The following PCDHGA3 variants were observed in gnomAD, a reference collection of about 807,000 sequenced individuals.
PCDHGA3 encodes the protein protocadherin gamma-A3.
A neutral mutation model predicts 58.5 loss-of-function variants in PCDHGA3; 40 were observed. That is an observed-to-expected ratio of 0.68 (90% CI 0.53 to 0.89). PCDHGA3 has a LOEUF of 0.89. PCDHGA3 is among the 40% of genes least tolerant of loss of function. PCDHGA3 has a pLI of 0.00. For synonymous variants in PCDHGA3, 530 were observed against 525.7 expected (o/e 1.01, Z -0.11); for missense variants, 1,223 against 1,195.9 (o/e 1.02, Z -0.33).
chr5:141,355,302 G>C (rs1759792731), intron 1 of PCDHGA3: 3 of 1,613,798 alleles, frequency 1.9e-6, no homozygotes, highest in Non-Finnish European at 2.5e-6. Flanking sequence ...TTCTCTACTC[G>C]GTGTTTGAGG....
Position 141,363,485 on chromosome 5 carries a change from T to A in PCDHGA3, c.2424+17028T>A, listed in dbSNP as rs1022472652. On this transcript the variant is annotated intron_variant, in intron 1 of 3. Transcript: ENST00000253812. ...ATCTGCTCATGCTTTCCTGCATGGATGATGAAATAAAACCCCATCCTCCAC... is the reference window on the plus strand; with the variant it reads ...ATCTGCTCATGCTTTCCTGCATGGAAGATGAAATAAAACCCCATCCTCCAC... Among the ~76,000 whole-genome samples the A allele has an allele frequency of 5.9e-5, 9 of 152,236 alleles. No homozygotes were observed. The East Asian group carries it at 1.5e-3, about 26-fold the overall frequency.
chr5:141,444,893 G>T (rs1238224263), intron 1 of PCDHGA3, among the ~76,000 whole-genome samples: 1 of 152,160 alleles, frequency 6.6e-6, no homozygotes, highest in Admixed American at 6.5e-5. Flanking sequence ...TTTTGAATGG[G>T]ATGGCATTGC....
At chr5:141,403,010 C>G in intron 1 of PCDHGA3, 1 of 1,614,058 alleles carries the variant, frequency 6.2e-7, no homozygotes, top group Non-Finnish European at 8.5e-7. Flanking sequence ...ATGCTCGCTC[C>G]TGGGGATGCT....
chr5:141,477,519 A>C lies in PCDHGA3; in HGVS notation c.2425-17288A>C, dbSNP rs1255751458. 1 of 1,614,174 alleles carries C rather than the reference A, an allele frequency of 6.2e-7. No individual in the cohort carries two copies. The highest frequency in any genetic ancestry group is 2.2e-5 in the East Asian group (1 of 44,882). Reference sequence around the variant, plus strand: ...TCTTCCTACGACGTTTACATTGAAGAAAACAACCTCCCCGGGGCTCCAATA... The same window carrying C: ...TCTTCCTACGACGTTTACATTGAAGCAAACAACCTCCCCGGGGCTCCAATA... On this transcript the variant is annotated intron_variant, in intron 1 of 3. Transcript: ENST00000253812. The surrounding 1 kb of genome is among the most constrained non-coding windows in gnomAD (Gnocchi z 4.9).
At position 141,383,792 on chromosome 5, in the gene PCDHGA3, C is replaced by T. The variant is rs766483523; in HGVS notation, c.2424+37335C>T. On this transcript the variant is annotated intron_variant, in intron 1 of 3. Coordinates refer to ENST00000253812, the MANE Select transcript of PCDHGA3 (RefSeq NM_018916.4). ...AAGATGTTTCATCTGAACTCGCTTA[C>T]AGGAGAAATATCAACTTTAGAAGGA... 2 of 1,613,914 alleles carry T rather than the reference C, an allele frequency of 1.2e-6. No homozygotes were observed. The highest frequency in any genetic ancestry group is 1.1e-5 in the South Asian group (1 of 91,080).
intron 1 of PCDHGA3, chr5:141,383,465 C>T: frequency 6.2e-7 from 1 of 1,613,792 alleles, no homozygotes; most frequent in Non-Finnish European, 8.5e-7. Flanking sequence ...GACGATGAAA[C>T]TAAGTACCCG....
rs374202401 is a variant in PCDHGA3, at chr5:141,360,323, C to A, written c.2424+13866C>A. 3.1e-6 allele frequency: 5 copies of A among 1,613,798 alleles called. No homozygotes were observed. In the African/African-American group the frequency reaches 6.7e-5, roughly 22 times the overall value. ...GGGCTCAGCGTCCGGGACTTGCCAGCCCGGAAGCTGCGGGTTAGCGCGGAG... is the reference window on the plus strand; with the variant it reads ...GGGCTCAGCGTCCGGGACTTGCCAGACCGGAAGCTGCGGGTTAGCGCGGAG... On this transcript the variant is annotated intron_variant, in intron 1 of 3. Transcript: ENST00000253812.
intron 1 of PCDHGA3, chr5:141,414,361 T>G: frequency 6.2e-7 from 1 of 1,613,876 alleles, no homozygotes; most frequent in Non-Finnish European, 8.5e-7. Context: ...GTATCTACCA[T>G]TTAAATTAGA....
Position 141,406,431 on chromosome 5 carries a change from T to A in PCDHGA3, c.2424+59974T>A, listed in dbSNP as rs1316370664. 2.0e-5 allele frequency among the ~76,000 whole-genome samples: 3 copies of A among 152,352 alleles called. No individual in the cohort carries two copies. In the South Asian group the frequency reaches 6.2e-4, roughly 32 times the overall value. ...CAGCTGAAAGCCCAGATTTATTGCT[T>A]CTATTCTTCCATTTCTATGACAGGA... On this transcript the variant is annotated intron_variant, in intron 1 of 3. Coordinates refer to ENST00000253812, the MANE Select transcript of PCDHGA3 (RefSeq NM_018916.4).
At chr5:141,423,294 C>T (rs1222440954) in intron 1 of PCDHGA3, 22 of 1,614,036 alleles carry the variant, frequency 1.4e-5, no homozygotes, top group Admixed American at 1.3e-4. Flanking sequence ...AAACCTCAGA[C>T]CTCTCGCTGT....
intron 1 of PCDHGA3, chr5:141,427,665 G>A (rs763897261): frequency 1.3e-5 from 10 of 782,298 alleles, no homozygotes; most frequent in Admixed American, 3.9e-5. Flanking sequence ...CCACGTGGCC[G>A]AAAACAACCT....
In PCDHGA3 at chr5:141,344,690, C is replaced by A; in HGVS notation, c.657C>A (p.Asp219Glu). 6.2e-7 allele frequency: 1 copy of A among 1,613,972 alleles called. No individual in the cohort carries two copies. Among genetic ancestry groups the A allele is most frequent in the Non-Finnish European group, 8.5e-7 (1 of 1,179,894 alleles). ...QLVLVASDGGDPVHSGNLHIQ... is the reference protein window; with the variant it reads ...QLVLVASDGGEPVHSGNLHIQ... ...TCCTGGTTGCCTCTGATGGTGGCGA[C>A]CCTGTCCACTCTGGCAACTTGCACA... The change falls in exon 1 of 4, where the codon GAC (aspartate) becomes GAA (glutamate). Residue 219 changes from aspartate (D) to glutamate (E), a missense_variant. Transcript: ENST00000253812.
chr5:141,461,778 C>CA (rs1280703059), intron 1 of PCDHGA3, among the ~76,000 whole-genome samples: 6 of 152,052 alleles, frequency 3.9e-5, no homozygotes, highest in Non-Finnish European at 7.4e-5. Context: ...CTCAGCCTCC[C>CA]AAGTAGCTGG....
At chr5:141,427,700 C>A in intron 1 of PCDHGA3, 3 of 945,490 alleles carry the variant, frequency 3.2e-6, no homozygotes, top group South Asian at 2.7e-5. Flanking sequence ...TCCCACAAGT[C>A]AGCGCCTCTG....
intron 1 of PCDHGA3, 72 bp from the exon 2 acceptor site, chr5:141,494,735 A>C: frequency 6.2e-7 from 1 of 1,610,712 alleles, no homozygotes; most frequent in Middle Eastern, 1.7e-4. Context: ...CTCCCGGCCC[A>C]TCCCTAGGGG....
intron 1 of PCDHGA3, among the ~76,000 whole-genome samples, chr5:141,449,929 T>C (rs2098659723): frequency 6.6e-6 from 1 of 151,912 alleles, no homozygotes; most frequent in Non-Finnish European, 1.5e-5. Context: ...TACCATACCT[T>C]ATAGTATATT....
In PCDHGA3 at chr5:141,476,760, CG is replaced by C. The variant is rs1325258321; in HGVS notation, c.2425-18045del. The C allele has an allele frequency of 6.2e-7, 1 of 1,613,706 alleles. No individual in the cohort carries two copies. Among genetic ancestry groups the C allele is most frequent in the African/African-American group, 1.3e-5 (1 of 74,930 alleles). On this transcript the variant is annotated intron_variant, in intron 1 of 3. Coordinates refer to ENST00000253812, the MANE Select transcript of PCDHGA3 (RefSeq NM_018916.4). This position sits in a 1 kb window ranked among gnomAD's most constrained non-coding sequence, Gnocchi z 7.6. ...GAGCCTAGTCTCCAGTTAGTGCTGA[CG>C]GCGTTGGACGGAGGGACCCCAGCTC...
intron 1 of PCDHGA3, among the ~76,000 whole-genome samples, chr5:141,438,340 G>A (rs1348587719): frequency 6.6e-6 from 1 of 151,522 alleles, no homozygotes; most frequent in Non-Finnish European, 1.5e-5. Flanking sequence ...TGTCATATAA[G>A]GATCTACTCT....
rs2099884413 is a variant in PCDHGA3, at chr5:141,512,781, G to A, written c.*1608G>A. ...CCTTGATCTGCCCGCGGCGGCCCGT[G>A]TTGTGTTTTGTGCTGTGTCCACGCG... is the stretch of plus-strand genomic sequence containing the variant. On this transcript the variant is annotated 3_prime_UTR_variant, in exon 4 of 4. Transcript: ENST00000253812. 1 of 152,534 alleles carries A rather than the reference G, an allele frequency of 6.6e-6. No individual in the cohort carries two copies. Among genetic ancestry groups the A allele is most frequent in the African/African-American group, 2.4e-5 (1 of 41,444 alleles). 9.4% of individuals were successfully genotyped at this position (152,534 alleles called of 1,614,324 possible). A position where few individuals can be genotyped will look rare whatever the true frequency, so the allele number is the denominator to read the frequency against.
Sources: gnomAD v4.1 joint callset for allele counts (sites outside exome capture counted in the v4.1 genomes callset) on GRCh38, gnomAD v4.1.1 for gene constraint, Gnocchi (gnomAD v3.1) non-coding constraint, MANE v1.5 for transcripts, NCBI Gene and HGNC (gene_info 2026-07-23, HGNC 2026-07-21) for gene names.